The following JARID2 variants were observed in gnomAD, a reference collection of about 807,000 sequenced individuals.
The protein encoded by JARID2 is jumonji and AT-rich interaction domain containing 2.
Under a neutral mutation model 125.6 loss-of-function variants are expected in JARID2, and 21 were observed. That is an observed-to-expected ratio of 0.17 (90% CI 0.12 to 0.24). The LOEUF (loss-of-function observed/expected upper bound fraction) is 0.24. JARID2 is among the 10% of genes least tolerant of loss of function. JARID2 has a pLI of 1.00. For synonymous variants in JARID2, 736 were observed against 661.6 expected (o/e 1.11, Z -1.73); for missense variants, 1,303 against 1,639.6 (o/e 0.79, Z 3.55).
chr6:15,453,826 CATG>C lies in JARID2; in HGVS notation c.493+1652_493+1654del, dbSNP rs138608173. On this transcript the variant is annotated intron_variant, in intron 4 of 17. Coordinates refer to ENST00000341776, the MANE Select transcript of JARID2 (RefSeq NM_004973.4). Reference sequence around the variant, plus strand: ...CTGGCACAACAAAATGTTCCAGGCTCATGGTGTACTTTCCCGCCCTCAGTCCTG... The same window carrying C: ...CTGGCACAACAAAATGTTCCAGGCTCGTGTACTTTCCCGCCCTCAGTCCTG... Among the ~76,000 whole-genome samples the C allele has an allele frequency of 7.1e-3, 1,087 of 152,210 alleles. 14 individuals carry two copies. Among genetic ancestry groups the C allele is most frequent in the African/African-American group, 0.025 (1,043 of 41,528 alleles).
chr6:15,486,527 C>T (rs181440765), intron 5 of JARID2, among the ~76,000 whole-genome samples: 273 of 152,328 alleles, frequency 1.8e-3, no homozygotes, highest in Non-Finnish European at 3.3e-3. Context: ...CTGTAAGTGT[C>T]CTGTCCAGTA....
chr6:15,386,994 G>C (rs1013201527), intron 2 of JARID2, among the ~76,000 whole-genome samples: 1 of 152,194 alleles, frequency 6.6e-6, no homozygotes, highest in African/African-American at 2.4e-5. Context: ...CACCTTTCTC[G>C]TATAGCACAT....
intron 1 of JARID2, among the ~76,000 whole-genome samples, chr6:15,300,720 TGTGAGA>T (rs1307655153): frequency 9.6e-4 from 125 of 130,188 alleles, no homozygotes; most frequent in African/African-American, 2.6e-3. Flanking sequence ...TGTGTGTGTG[TGTGAGA>T]GAGAGAGAGA....
rs900607906 is a variant in JARID2, at chr6:15,496,896, C to T, written c.1671C>T (p.Ile557=). 6.2e-6 allele frequency: 10 copies of T among 1,601,422 alleles called. No homozygotes were observed. Among genetic ancestry groups the T allele is most frequent in the African/African-American group, 1.3e-5 (1 of 74,790 alleles). Residue 557 remains isoleucine (I), a synonymous_variant, in exon 7 of 18, where the codon ATC becomes ATT. Coordinates refer to ENST00000341776, the MANE Select transcript of JARID2 (RefSeq NM_004973.4). ...CCGGGTGGGCGGCCATGGACGAGAT[C>T]CCCGTCCTCAGGCCCTCCGCCAAGG... is the stretch of plus-strand genomic sequence containing the variant. ...GKAGWAAMDE[I]PVLRPSAKEF...
chr6:15,281,990 C>T lies in JARID2; in HGVS notation c.45+35406C>T, dbSNP rs533768665. On this transcript the variant is annotated intron_variant, in intron 1 of 17. Transcript: ENST00000341776. ...TTTGAGACAGAGTCTTGCTCAGTTGCCAAGGCTGGAGTGCAGTGGCATGAT... is the reference window on the plus strand; with the variant it reads ...TTTGAGACAGAGTCTTGCTCAGTTGTCAAGGCTGGAGTGCAGTGGCATGAT... Among the ~76,000 whole-genome samples, 5 of 151,016 alleles carry T rather than the reference C, an allele frequency of 3.3e-5. No homozygotes were observed. In the East Asian group the frequency reaches 7.8e-4, roughly 23 times the overall value.
intron 2 of JARID2, among the ~76,000 whole-genome samples, chr6:15,393,395 A>C (rs573473871): frequency 6.6e-6 from 1 of 152,342 alleles, no homozygotes; most frequent in Admixed American, 6.5e-5. Context: ...AGCTCCACGT[A>C]AATAATGTTG....
intron 3 of JARID2, among the ~76,000 whole-genome samples, chr6:15,414,513 A>T (rs1766041934): frequency 7.3e-6 from 1 of 136,776 alleles, no homozygotes; most frequent in South Asian, 2.5e-4. Flanking sequence ...TTCTTTATGG[A>T]GGCAACTACA....
chr6:15,501,322 G>T lies in JARID2; in HGVS notation c.2361G>T (p.Arg787=). 6.2e-7 allele frequency: 1 copy of T among 1,608,608 alleles called. No homozygotes were observed. Among genetic ancestry groups the T allele is most frequent in the Non-Finnish European group, 8.5e-7 (1 of 1,177,002 alleles). Residue 787 remains arginine (R), a synonymous_variant, in exon 8 of 18, where the codon CGG becomes CGT. Transcript: ENST00000341776. ...VGQAQLKTGR[R]RLFAQEKEVV... ...AGGCCCAGTTGAAGACTGGCCGGCG[G>T]CGACTCTTCGCTCAGGAAAAAGAAG...
intron 1 of JARID2, among the ~76,000 whole-genome samples, chr6:15,350,378 G>A (rs1433891993): frequency 1.3e-5 from 2 of 152,204 alleles, no homozygotes; most frequent in Non-Finnish European, 2.9e-5. Context: ...GGCTCACTCA[G>A]TTTCTCCGTG....
chr6:15,477,981 C>T (rs948262175), intron 5 of JARID2, among the ~76,000 whole-genome samples: 2 of 152,178 alleles, frequency 1.3e-5, no homozygotes, highest in African/African-American at 4.8e-5. Context: ...TGGGCTGTTT[C>T]AGTGTGGTAG....
chr6:15,342,188 A>G (rs1188813819), intron 1 of JARID2, among the ~76,000 whole-genome samples: 1 of 152,198 alleles, frequency 6.6e-6, no homozygotes. Context: ...AATTTTCTGC[A>G]TCTTTCCTTG....
At chr6:15,471,037 T>C (rs553508224) in intron 5 of JARID2, among the ~76,000 whole-genome samples, 1 of 152,352 alleles carries the variant, frequency 6.6e-6, no homozygotes, top group East Asian at 1.9e-4. Flanking sequence ...GAAAAAATTA[T>C]TGTATTCAGA....
intron 1 of JARID2, among the ~76,000 whole-genome samples, chr6:15,309,256 T>C (rs1353497016): frequency 1.3e-5 from 2 of 152,204 alleles, no homozygotes; most frequent in Admixed American, 1.3e-4. Context: ...CAGTTATTTC[T>C]TTTATGAAGG....
chr6:15,432,320 C>G (rs959327075), intron 3 of JARID2, among the ~76,000 whole-genome samples: 3 of 152,024 alleles, frequency 2.0e-5, no homozygotes, highest in Non-Finnish European at 2.9e-5. Flanking sequence ...CCCAGCTACT[C>G]GGTAGGCTGA....
intron 1 of JARID2, among the ~76,000 whole-genome samples, chr6:15,302,460 T>G (rs1045163420): frequency 6.6e-6 from 1 of 152,142 alleles, no homozygotes; most frequent in African/African-American, 2.4e-5. Flanking sequence ...CATTGTTGAC[T>G]TAGTAGTTCA....
At chr6:15,354,328 C>T (rs1417547611) in intron 1 of JARID2, among the ~76,000 whole-genome samples, 2 of 152,200 alleles carry the variant, frequency 1.3e-5, no homozygotes, top group Non-Finnish European at 1.5e-5. Context: ...TCAGAGCTTG[C>T]AGAAAAATCC....
At chr6:15,362,072 T>C (rs1763816319) in intron 1 of JARID2, among the ~76,000 whole-genome samples, 1 of 151,984 alleles carries the variant, frequency 6.6e-6, no homozygotes, top group African/African-American at 2.4e-5. Flanking sequence ...TTTTGTATTT[T>C]TAGTGGGTTC....
chr6:15,323,359 G>A (rs912557466), intron 1 of JARID2, among the ~76,000 whole-genome samples: 5 of 152,172 alleles, frequency 3.3e-5, no homozygotes, highest in South Asian at 2.1e-4. Flanking sequence ...GCCCAGCCTG[G>A]GTGTGCTACA....
chr6:15,488,504 T>C (rs1769992050), intron 6 of JARID2, among the ~76,000 whole-genome samples: 1 of 152,204 alleles, frequency 6.6e-6, no homozygotes, highest in African/African-American at 2.4e-5. Flanking sequence ...TCCTTAAAGG[T>C]AGCTTCAGAG....
Sources: allele counts gnomAD v4.1 joint callset (sites outside exome capture counted in the v4.1 genomes callset), GRCh38; gene constraint gnomAD v4.1.1; transcripts MANE v1.5; gene names NCBI Gene and HGNC (gene_info 2026-07-23, HGNC 2026-07-21).